LMO4: variants seen among roughly 807,000 people sequenced by gnomAD.
The protein encoded by LMO4 is LIM domain only 4.
In LMO4, 3 loss-of-function variants were observed where a neutral mutation model predicts 18.5. The observed-to-expected ratio is 0.16, with a 90% CI of 0.07 to 0.42. LMO4 has a LOEUF of 0.42. Among genes scored for constraint, LMO4 ranks in the 10% least tolerant of loss-of-function variants. LMO4 has a pLI of 0.99. For synonymous variants in LMO4, 100 were observed against 88.1 expected (o/e 1.14, Z -0.76); for missense variants, 121 against 219.9 (o/e 0.55, Z 2.84).
In LMO4 at chr1:87,333,565, A is replaced by T. The variant is rs532523046; in HGVS notation, c.236+1314A>T. 7.5e-4 allele frequency among the ~76,000 whole-genome samples: 114 copies of T among 152,356 alleles called. 1 individual carries two copies. Among genetic ancestry groups the T allele is most frequent in the Admixed American group, 1.8e-3 (27 of 15,304 alleles). On this transcript the variant is annotated intron_variant, in intron 2 of 4. Coordinates refer to ENST00000370544, the MANE Select transcript of LMO4 (RefSeq NM_006769.4). ...GAGTGTGGATATGTTTACCCCAGTG[A>T]TATCATTAGTGTAAGATGATGGAGT...
At chr1:87,341,474 TA>T (rs1166543894) in intron 4 of LMO4, among the ~76,000 whole-genome samples, 2 of 152,022 alleles carry the variant, frequency 1.3e-5, no homozygotes, top group Non-Finnish European at 2.9e-5. Context: ...TATCTGCAAA[TA>T]GGAATTTAGC....
chr1:87,339,765 T>TAGC (rs1650419933), intron 3 of LMO4, 133 bp downstream of exon 3: 1 of 689,100 alleles, frequency 1.5e-6, no homozygotes, highest in Non-Finnish European at 2.5e-6. Flanking sequence ...ATTGAAATTG[T>TAGC]AGCATGGCAG....
intron 2 of LMO4, among the ~76,000 whole-genome samples, chr1:87,336,977 A>AACAC (rs543810100): frequency 0.035 from 5,297 of 151,858 alleles, 145 homozygotes; most frequent in East Asian, 0.16. Context: ...GTTGTGAAAA[A>AACAC]ACACACACAC....
intron 2 of LMO4, 72 bp downstream of exon 2, chr1:87,332,323 AG>A: frequency 8.2e-7 from 1 of 1,223,770 alleles, no homozygotes; most frequent in African/African-American, 1.5e-5. Context: ...CAGGGTTGTG[AG>A]GAAAGGAGTA....
chr1:87,345,698 A>T lies in LMO4; in HGVS notation c.*902A>T, dbSNP rs1294052434. 1 of 152,164 alleles carries T rather than the reference A, an allele frequency of 6.6e-6. No homozygotes were observed. The highest frequency in any genetic ancestry group is 1.5e-5 in the Non-Finnish European group (1 of 68,026). The allele number at this position is 152,164 out of a possible 1,614,324, so 9.4% of individuals were successfully genotyped here. A position where few individuals can be genotyped will look rare whatever the true frequency, so the allele number is the denominator to read the frequency against. On this transcript the variant is annotated 3_prime_UTR_variant, in exon 5 of 5. Coordinates refer to ENST00000370544, the MANE Select transcript of LMO4 (RefSeq NM_006769.4). ...AATTTGAAGGAGTTGAGGGAGGTGG[A>T]GTGTATATTTATTTAGCTCTGGGCC... is the stretch of plus-strand genomic sequence containing the variant.
At chr1:87,331,992 T>TC (rs1371240822) in intron 1 of LMO4, 21 bp from the exon 2 acceptor site, 2 of 1,596,026 alleles carry the variant, frequency 1.3e-6, no homozygotes, top group Admixed American at 3.3e-5. Context: ...TCTCTCCCTG[T>TC]CCCCTTCCCG....
chr1:87,341,152 C>A (rs1231563955), intron 4 of LMO4, among the ~76,000 whole-genome samples: 3 of 152,142 alleles, frequency 2.0e-5, no homozygotes, highest in African/African-American at 7.2e-5. Flanking sequence ...GACTCGTGTG[C>A]ATAATTTTAT....
At chr1:87,340,276 A>G in intron 4 of LMO4, 74 bp downstream of exon 4, 1 of 1,433,632 alleles carries the variant, frequency 7.0e-7, no homozygotes, top group South Asian at 1.2e-5. Flanking sequence ...CTAGCAAGAG[A>G]GTTTTCTTGG....
intron 2 of LMO4, among the ~76,000 whole-genome samples, chr1:87,336,690 C>A (rs974645455): frequency 7.2e-5 from 11 of 152,056 alleles, no homozygotes; most frequent in Non-Finnish European, 1.5e-4. Context: ...TTGCATTGCC[C>A]AAATGCTGAA....
At chr1:87,334,133 A>G (rs1358368423) in intron 2 of LMO4, among the ~76,000 whole-genome samples, 1 of 152,014 alleles carries the variant, frequency 6.6e-6, no homozygotes, top group East Asian at 1.9e-4. Context: ...GCCCTAATGG[A>G]GCAATGGAGG....
At chr1:87,331,860 C>T in intron 1 of LMO4, 153 bp from the exon 2 acceptor site, 3 of 612,626 alleles carry the variant, frequency 4.9e-6, no homozygotes, top group Admixed American at 3.0e-5. Context: ...TTCCCTCTCC[C>T]CCTCAGCCTC....
intron 2 of LMO4, among the ~76,000 whole-genome samples, chr1:87,337,827 T>C (rs1570652599): frequency 6.6e-6 from 1 of 152,174 alleles, no homozygotes; most frequent in African/African-American, 2.4e-5. Context: ...GTTCCTGAAG[T>C]GTCCAGCATT....
intron 1 of LMO4, among the ~76,000 whole-genome samples, chr1:87,329,825 C>G (rs1012287928): frequency 2.0e-5 from 3 of 152,112 alleles, no homozygotes; most frequent in South Asian, 2.1e-4. Context: ...CTACAAATTG[C>G]CAGCGTTACG....
chr1:87,331,791 G>A, intron 1 of LMO4: 1 of 559,254 alleles, frequency 1.8e-6, no homozygotes, highest in Middle Eastern at 4.6e-4. Context: ...GGAGCTCGTG[G>A]CCCCAGAACA....
At chr1:87,338,022 C>T (rs1650362238) in intron 2 of LMO4, among the ~76,000 whole-genome samples, 1 of 152,200 alleles carries the variant, frequency 6.6e-6, no homozygotes, top group African/African-American at 2.4e-5. Flanking sequence ...CTCTTCAAAT[C>T]GATGCTGCTG....
chr1:87,332,381 TGGC>T, intron 2 of LMO4, 130 bp downstream of exon 2: 1 of 689,306 alleles, frequency 1.5e-6, no homozygotes, highest in Non-Finnish European at 2.5e-6. Flanking sequence ...ATCTTCTAGT[TGGC>T]GGAATTTAAG....
intron 2 of LMO4, among the ~76,000 whole-genome samples, chr1:87,339,045 GTC>G (rs1650399577): frequency 6.6e-6 from 1 of 152,214 alleles, no homozygotes; most frequent in African/African-American, 2.4e-5. Flanking sequence ...CTAATGGAAA[GTC>G]TGCACTGATG....
chr1:87,339,189 A>G (rs1301078492), intron 2 of LMO4, among the ~76,000 whole-genome samples: 1 of 152,102 alleles, frequency 6.6e-6, no homozygotes, highest in Non-Finnish European at 1.5e-5. Flanking sequence ...TATAATTTCA[A>G]GGACACAATG....
At chr1:87,337,910 A>G (rs1236578165) in intron 2 of LMO4, among the ~76,000 whole-genome samples, 1 of 152,194 alleles carries the variant, frequency 6.6e-6, no homozygotes, top group African/African-American at 2.4e-5. Flanking sequence ...CTGACAGTGT[A>G]TTATTTCAGC....
Sources: allele counts gnomAD v4.1 joint callset (sites outside exome capture counted in the v4.1 genomes callset), GRCh38; gene constraint gnomAD v4.1.1; transcripts MANE v1.5; gene names NCBI Gene and HGNC (gene_info 2026-07-23, HGNC 2026-07-21).